The following ZNF445 variants were observed in gnomAD, a reference collection of about 807,000 sequenced individuals.
ZNF445 encodes zinc finger protein 168.
In ZNF445, 19 loss-of-function variants were observed where a neutral mutation model predicts 93.9. The observed-to-expected ratio is 0.20, with a 90% CI of 0.14 to 0.30. The LOEUF (loss-of-function observed/expected upper bound fraction) is 0.30, where lower values mean the gene tolerates loss of function less well. Ranked by LOEUF, ZNF445 falls within the 10% of genes least tolerant of loss-of-function variation. The pLI is 1.00. For synonymous variants in ZNF445, 449 were observed against 446.3 expected (o/e 1.01, Z -0.08); for missense variants, 1,058 against 1,259.4 (o/e 0.84, Z 2.42).
chr3:44,461,329 T>C (rs1269943825), intron 1 of ZNF445, among the ~76,000 whole-genome samples: 1 of 152,026 alleles, frequency 6.6e-6, no homozygotes, highest in Non-Finnish European at 1.5e-5. Flanking sequence ...TTGGAAGACT[T>C]CTACTCAATC....
intron 3 of ZNF445, chr3:44,454,770 A>G (rs1698003917): frequency 9.5e-6 from 3 of 314,768 alleles, no homozygotes; most frequent in Non-Finnish European, 1.2e-5. Flanking sequence ...GGGTCCTCCT[A>G]TGTTGTCCAG....
At chr3:44,475,947 C>T (rs1176979909) in intron 1 of ZNF445, among the ~76,000 whole-genome samples, 4 of 151,964 alleles carry the variant, frequency 2.6e-5, no homozygotes, top group South Asian at 4.2e-4. Context: ...TGCAGTGAGC[C>T]GAGTTTGCAC....
intron 6 of ZNF445, among the ~76,000 whole-genome samples, chr3:44,449,873 C>T (rs1388565382): frequency 2.0e-5 from 3 of 152,182 alleles, no homozygotes; most frequent in East Asian, 1.9e-4. Context: ...TAATTGGTTA[C>T]ATCAGCCAAC....
In ZNF445 at chr3:44,451,450, A is replaced by G; in HGVS notation, c.462T>C (p.His154=). Residue 154 remains histidine (H), a synonymous_variant, in exon 4 of 8, where the codon CAT becomes CAC. Transcript: ENST00000396077. ...ATCGCAGGGCTCCTGTACCCATCCA[A>G]TGCACATCTGGGCTCTGGGCAGGGC... The part of the protein sequence containing the change: ...DPGPAQSPDV[H]WMGTGALRSA... 2 of 1,612,192 alleles carry G rather than the reference A, an allele frequency of 1.2e-6. No individual in the cohort carries two copies. The highest frequency in any genetic ancestry group is 1.7e-6 in the Non-Finnish European group (2 of 1,178,566).
chr3:44,464,265 C>A (rs1415906178), intron 1 of ZNF445, among the ~76,000 whole-genome samples: 2 of 152,190 alleles, frequency 1.3e-5, no homozygotes, highest in Non-Finnish European at 2.9e-5. Context: ...TTGCCTTCAG[C>A]TGCTTATTTG....
chr3:44,468,663 C>T (rs1575317452), intron 1 of ZNF445, among the ~76,000 whole-genome samples: 3 of 136,528 alleles, frequency 2.2e-5, no homozygotes, highest in Non-Finnish European at 1.6e-5. Flanking sequence ...TGTGGCCCGC[C>T]CCCACCCCTC....
Position 44,439,798 on chromosome 3 carries a change from T to C in ZNF445, c.*6777A>G, listed in dbSNP as rs1194487777. 1 of 152,172 alleles carries C rather than the reference T, an allele frequency of 6.6e-6. No individual in the cohort carries two copies. The highest frequency in any genetic ancestry group is 1.5e-5 in the Non-Finnish European group (1 of 68,024). 9.4% of individuals were successfully genotyped at this position (152,172 alleles called of 1,614,324 possible). A position where few individuals can be genotyped will look rare whatever the true frequency, so the allele number is the denominator to read the frequency against. Reference sequence around the variant, plus strand: ...GTTATGAAAAAGTTTACTACTCACATGAGGCCTTCTAGGGAAAGCAAAGCG... The same window carrying C: ...GTTATGAAAAAGTTTACTACTCACACGAGGCCTTCTAGGGAAAGCAAAGCG... On this transcript the variant is annotated 3_prime_UTR_variant, in exon 8 of 8. Transcript: ENST00000396077.
chr3:44,473,315 A>G (rs1383181619), intron 1 of ZNF445, among the ~76,000 whole-genome samples: 3 of 151,896 alleles, frequency 2.0e-5, no homozygotes, highest in African/African-American at 7.3e-5. Context: ...ATTAGCCGGC[A>G]TGGTGCTGCA....
intron 1 of ZNF445, among the ~76,000 whole-genome samples, chr3:44,463,300 T>C (rs1698145255): frequency 1.3e-5 from 2 of 152,152 alleles, no homozygotes; most frequent in Admixed American, 1.3e-4. Context: ...CCTCCCAAAG[T>C]GCTGGGATTA....
rs1479481276 is a variant in ZNF445 at position 44,435,253 on chromosome 3, T to C, written c.*11322A>G. Reference sequence around the variant, plus strand: ...TTGGGGAGGTGAATTTGAGAGCCATTCTCCCATCTCCTCACTGGACAGCCT... The same window carrying C: ...TTGGGGAGGTGAATTTGAGAGCCATCCTCCCATCTCCTCACTGGACAGCCT... On this transcript the variant is annotated 3_prime_UTR_variant, in exon 8 of 8. Transcript: ENST00000396077. 6.6e-6 allele frequency: 1 copy of C among 152,218 alleles called. No individual in the cohort carries two copies. Among genetic ancestry groups the C allele is most frequent in the Non-Finnish European group, 1.5e-5 (1 of 68,042 alleles). The allele number at this position is 152,218 out of a possible 1,614,324, so 9.4% of individuals were successfully genotyped here.
In ZNF445 at chr3:44,435,495, T is replaced by A. The variant is rs868586596; in HGVS notation, c.*11080A>T. ...TTAATCCAATTGTCATTCTCCAAGA[T>A]CCATCTGTCTTCTGCACAGGCTGAG... On this transcript the variant is annotated 3_prime_UTR_variant, in exon 8 of 8. Transcript: ENST00000396077. 6 of 152,252 alleles carry A rather than the reference T, an allele frequency of 3.9e-5. No individual in the cohort carries two copies. Among genetic ancestry groups the A allele is most frequent in the African/African-American group, 1.4e-4 (6 of 41,464 alleles). The allele number at this position is 152,252 out of a possible 1,614,324, so 9.4% of individuals were successfully genotyped here.
At chr3:44,474,205 T>C (rs1698310941) in intron 1 of ZNF445, among the ~76,000 whole-genome samples, 1 of 151,998 alleles carries the variant, frequency 6.6e-6, no homozygotes, top group South Asian at 2.1e-4. Context: ...GCAACCAAAT[T>C]GAGGGACTTT....
intron 1 of ZNF445, among the ~76,000 whole-genome samples, chr3:44,460,625 T>C (rs1039433772): frequency 1.3e-5 from 2 of 152,154 alleles, no homozygotes; most frequent in African/African-American, 4.8e-5. Flanking sequence ...TATGATTTCA[T>C]CTCTGACCAA....
At chr3:44,476,961 A>T (rs755693916) in intron 1 of ZNF445, among the ~76,000 whole-genome samples, 1 of 152,246 alleles carries the variant, frequency 6.6e-6, no homozygotes, top group Non-Finnish European at 1.5e-5. Context: ...TTTAGCCAAA[A>T]TAAGAACAAA....
rs1443063959 is a variant in ZNF445, at chr3:44,436,531, T to G, written c.*10044A>C. On this transcript the variant is annotated 3_prime_UTR_variant, in exon 8 of 8. Coordinates refer to ENST00000396077, the MANE Select transcript of ZNF445 (RefSeq NM_181489.6). ...CTGGGTGGGTGAGCAGGTATTTACA[T>G]GATAAATACTCAAGCATTTTTATCT... 2 of 152,244 alleles carry G rather than the reference T, an allele frequency of 1.3e-5. No individual in the cohort carries two copies. Among genetic ancestry groups the G allele is most frequent in the African/African-American group, 4.8e-5 (2 of 41,466 alleles). The allele number at this position is 152,244 out of a possible 1,614,324, so 9.4% of individuals were successfully genotyped here. A position where few individuals can be genotyped will look rare whatever the true frequency, so the allele number is the denominator to read the frequency against.
intron 1 of ZNF445, among the ~76,000 whole-genome samples, chr3:44,466,546 T>G (rs1232718813): frequency 6.6e-6 from 1 of 152,274 alleles, no homozygotes; most frequent in East Asian, 1.9e-4. Context: ...ATTATAATTA[T>G]GTTAACACAC....
In ZNF445 at chr3:44,477,612, A is replaced by G. The variant is rs1002945674; in HGVS notation, c.-290T>C. 1 of 151,526 alleles carries G rather than the reference A, an allele frequency of 6.6e-6. No individual in the cohort carries two copies. Among genetic ancestry groups the G allele is most frequent in the African/African-American group, 2.4e-5 (1 of 41,154 alleles). The allele number at this position is 151,526 out of a possible 1,614,324, so 9.4% of individuals were successfully genotyped here. ...TCACCGACTCCCGCCGCCGAGCGAC[A>G]ATCGGTCCACCCGCCGCCACCGCAG... is the stretch of plus-strand genomic sequence containing the variant. On this transcript the variant is annotated 5_prime_UTR_variant, in exon 1 of 8. Coordinates refer to ENST00000396077, the MANE Select transcript of ZNF445 (RefSeq NM_181489.6).
Position 44,434,096 on chromosome 3 carries a change from T to C in ZNF445, c.*12479A>G, listed in dbSNP as rs1207011809. Reference sequence around the variant, plus strand: ...AATTGTCTCGTGTCCCTTTTAAACATATAGAATGTAACTATTGGAAAGAGA... The same window carrying C: ...AATTGTCTCGTGTCCCTTTTAAACACATAGAATGTAACTATTGGAAAGAGA... On this transcript the variant is annotated 3_prime_UTR_variant, in exon 8 of 8. Coordinates refer to ENST00000396077, the MANE Select transcript of ZNF445 (RefSeq NM_181489.6). 6.6e-6 allele frequency: 1 copy of C among 152,070 alleles called. No homozygotes were observed. Among genetic ancestry groups the C allele is most frequent in the African/African-American group, 2.4e-5 (1 of 41,396 alleles). 9.4% of individuals were successfully genotyped at this position (152,070 alleles called of 1,614,324 possible).
At chr3:44,473,242 G>A (rs904718734) in intron 1 of ZNF445, among the ~76,000 whole-genome samples, 2 of 152,120 alleles carry the variant, frequency 1.3e-5, no homozygotes, top group Non-Finnish European at 2.9e-5. Context: ...ATCATCTGAG[G>A]TTGGGAGTTC....
Sources: allele counts gnomAD v4.1 joint callset (sites outside exome capture counted in the v4.1 genomes callset), GRCh38; gene constraint gnomAD v4.1.1; transcripts MANE v1.5; gene names NCBI Gene and HGNC (gene_info 2026-07-23, HGNC 2026-07-21).